Variants in RGS7 observed in about 807,000 individuals in gnomAD.
RGS7 encodes regulator of G-protein signaling 7.
A neutral mutation model predicts 81.1 loss-of-function variants in RGS7; 27 were observed. The ratio of observed to expected loss-of-function variants is 0.33; its 90% CI spans 0.25 to 0.46. The LOEUF (loss-of-function observed/expected upper bound fraction) is 0.46, where lower values mean the gene tolerates loss of function less well. Among genes scored for constraint, RGS7 ranks in the 20% least tolerant of loss-of-function variants. The pLI is 1.00. For missense variants in RGS7, 396 were observed against 607.4 expected, an observed-to-expected ratio of 0.65 and a Z score of 3.66; for synonymous variants, 208 against 207.7, an observed-to-expected ratio of 1.00 and a Z score of -0.01.
intron 2 of RGS7, among the ~76,000 whole-genome samples, chr1:241,249,113 A>G (rs1281677150): frequency 6.6e-6 from 1 of 152,078 alleles, no homozygotes; most frequent in African/African-American, 2.4e-5. Context: ...AAAAGTTTCT[A>G]ATTTTCGTGA....
chr1:241,019,400 G>A (rs904921621), intron 3 of RGS7, among the ~76,000 whole-genome samples: 6 of 151,596 alleles, frequency 4.0e-5, no homozygotes, highest in South Asian at 4.2e-4. Flanking sequence ...GTACATGTGC[G>A]CAACATGCAG....
chr1:241,334,623 A>G (rs546894190), intron 2 of RGS7, among the ~76,000 whole-genome samples: 1 of 152,300 alleles, frequency 6.6e-6, no homozygotes, highest in East Asian at 1.9e-4. Flanking sequence ...AACTCCTCCA[A>G]AACAGTAGTA....
chr1:240,874,588 T>A (rs7543343), intron 6 of RGS7, among the ~76,000 whole-genome samples: 159 of 152,336 alleles, frequency 1.0e-3, no homozygotes, highest in African/African-American at 3.6e-3. Context: ...ACATTAAAAA[T>A]TTTTAAAATA....
rs957638861 is a variant in RGS7, at chr1:241,189,487, A to G, written c.79-90725T>C. On this transcript the variant is annotated intron_variant, in intron 2 of 18. Transcript: ENST00000440928. ...TAGCTTGGCTTTTCATCCTTACTTA[A>G]CAAAGTCTTTCACAGGGCAAAAGGT... 3.3e-5 allele frequency among the ~76,000 whole-genome samples: 5 copies of G among 152,276 alleles called. No individual in the cohort carries two copies. The East Asian group carries it at 7.7e-4, about 24-fold the overall frequency.
chr1:241,180,353 C>T (rs2071508933), intron 2 of RGS7, among the ~76,000 whole-genome samples: 2 of 151,646 alleles, frequency 1.3e-5, no homozygotes, highest in Non-Finnish European at 2.9e-5. Flanking sequence ...CCAGCCTGGG[C>T]AACAGAGCGA....
intron 2 of RGS7, among the ~76,000 whole-genome samples, chr1:241,101,846 C>T (rs1332796007): frequency 6.6e-6 from 1 of 152,168 alleles, no homozygotes; most frequent in Non-Finnish European, 1.5e-5. Context: ...TTCATCTCAG[C>T]ACCTAGAGAT....
At chr1:241,348,194 A>C (rs2083024310) in intron 2 of RGS7, among the ~76,000 whole-genome samples, 1 of 152,236 alleles carries the variant, frequency 6.6e-6, no homozygotes, top group African/African-American at 2.4e-5. Flanking sequence ...TCAGGCAGTG[A>C]GCATATAGAA....
At chr1:240,969,682 T>A (rs1682890247) in intron 4 of RGS7, among the ~76,000 whole-genome samples, 1 of 152,236 alleles carries the variant, frequency 6.6e-6, no homozygotes, top group South Asian at 2.1e-4. Context: ...CATTTATAGA[T>A]GCATGTGCTG....
chr1:241,016,452 AG>A (rs1483707879), intron 3 of RGS7, among the ~76,000 whole-genome samples: 1 of 152,066 alleles, frequency 6.6e-6, no homozygotes, highest in Non-Finnish European at 1.5e-5. Context: ...CAGGAGGCGG[AG>A]GTTGCAGTGA....
intron 2 of RGS7, among the ~76,000 whole-genome samples, chr1:241,240,280 GT>G (rs1331339139): frequency 6.6e-6 from 1 of 152,196 alleles, no homozygotes; most frequent in East Asian, 1.9e-4. Flanking sequence ...AGCATGACAT[GT>G]TTGTTCTTAA....
intron 18 of RGS7, among the ~76,000 whole-genome samples, chr1:240,789,318 T>C (rs947803399): frequency 6.6e-6 from 1 of 152,170 alleles, no homozygotes; most frequent in African/African-American, 2.4e-5. Flanking sequence ...GCGTTAACTG[T>C]ACAAATTGTT....
chr1:241,146,246 A>C (rs1434084496), intron 2 of RGS7, among the ~76,000 whole-genome samples: 1 of 151,444 alleles, frequency 6.6e-6, no homozygotes, highest in Non-Finnish European at 1.5e-5. Context: ...CAATCTAATA[A>C]GACAATAGAG....
intron 9 of RGS7, among the ~76,000 whole-genome samples, chr1:240,863,682 G>A (rs948242065): frequency 6.6e-6 from 1 of 151,968 alleles, no homozygotes; most frequent in African/African-American, 2.4e-5. Flanking sequence ...CTAGGTCAGG[G>A]GTGTGTGGTC....
chr1:240,793,613 T>TATATA (rs1558259636), intron 18 of RGS7, among the ~76,000 whole-genome samples: 9 of 88,352 alleles, frequency 1.0e-4, no homozygotes, highest in African/African-American at 6.1e-4. Context: ...ATATATATAT[T>TATATA]TTTTTTTTTT....
intron 4 of RGS7, among the ~76,000 whole-genome samples, chr1:240,954,962 T>C (rs1023348268): frequency 3.9e-5 from 6 of 152,086 alleles, no homozygotes; most frequent in African/African-American, 1.4e-4. Context: ...AAATCAACAA[T>C]TGGAACTTGA....
At chr1:241,272,657 C>A (rs2077979109) in intron 2 of RGS7, among the ~76,000 whole-genome samples, 1 of 152,098 alleles carries the variant, frequency 6.6e-6, no homozygotes, top group African/African-American at 2.4e-5. Flanking sequence ...CTTCTCAACT[C>A]CCATTTTCCT....
chr1:241,105,521 T>G (rs997906127), intron 2 of RGS7, among the ~76,000 whole-genome samples: 1 of 152,022 alleles, frequency 6.6e-6, no homozygotes, highest in East Asian at 1.9e-4. Flanking sequence ...TTGAAGAGAG[T>G]TACTAATTAT....
intron 3 of RGS7, among the ~76,000 whole-genome samples, chr1:241,010,834 A>G (rs1441024296): frequency 6.6e-6 from 1 of 152,164 alleles, no homozygotes; most frequent in Non-Finnish European, 1.5e-5. Flanking sequence ...CTGGTGGAAG[A>G]GGTGATAAGC....
chr1:241,245,185 C>T (rs569498475), intron 2 of RGS7, among the ~76,000 whole-genome samples: 56 of 152,234 alleles, frequency 3.7e-4, no homozygotes, highest in African/African-American at 1.3e-3. Flanking sequence ...CCACCCAAAT[C>T]TCACATCAAA....
Sources: gnomAD v4.1 joint callset for allele counts (sites outside exome capture counted in the v4.1 genomes callset) on GRCh38, gnomAD v4.1.1 for gene constraint, MANE v1.5 for transcripts, NCBI Gene and HGNC (gene_info 2026-07-23, HGNC 2026-07-21) for gene names.